MRPS27: variants seen among roughly 807,000 people sequenced by gnomAD.
The protein encoded by MRPS27 is small ribosomal subunit protein mS27.
MRPS27 carries 43 observed loss-of-function variants against 48.9 expected under a neutral mutation model. That is an observed-to-expected ratio of 0.88 (90% CI 0.69 to 1.13). MRPS27 has a LOEUF of 1.13. Ranked by LOEUF, MRPS27 falls within the 50% of genes most tolerant of loss-of-function variation. The pLI, the probability that MRPS27 is intolerant of heterozygous loss-of-function variation, is 0.00. For missense variants in MRPS27, 467 were observed against 476.3 expected (o/e 0.98, Z 0.18); for synonymous variants, 188 against 171.9 (o/e 1.09, Z -0.73).
At chr5:72,249,098 T>C (rs1176581473) in intron 4 of MRPS27, among the ~76,000 whole-genome samples, 2 of 152,348 alleles carry the variant, frequency 1.3e-5, no homozygotes, top group East Asian at 3.9e-4. Flanking sequence ...AGTGAACAGA[T>C]ACACTTTTTC....
intron 1 of MRPS27, among the ~76,000 whole-genome samples, chr5:72,316,371 T>C (rs1158928612): frequency 6.6e-6 from 1 of 152,176 alleles, no homozygotes; most frequent in Non-Finnish European, 1.5e-5. Context: ...CATTTGTTGT[T>C]TCTTTGTTTG....
In MRPS27 at chr5:72,316,819, C is replaced by T. The variant is rs1233841050; in HGVS notation, c.74-2661G>A. ...CCGAGGTGGGCGGATCACCTGAGGT[C>T]GGGAGTTCGAGGCGAGCCTGACCAA... On this transcript the variant is annotated intron_variant, in intron 1 of 10. Transcript: ENST00000261413. 2.0e-5 allele frequency among the ~76,000 whole-genome samples: 3 copies of T among 151,508 alleles called. No individual in the cohort carries two copies. In the East Asian group the frequency reaches 5.9e-4, roughly 30 times the overall value.
intron 1 of MRPS27, chr5:72,319,888 T>G: frequency 2.0e-6 from 1 of 496,964 alleles, no homozygotes; most frequent in East Asian, 3.7e-5. Context: ...CCCCAACACA[T>G]AAATCTGGCG....
rs776163779 is a variant in MRPS27 at position 72,297,635 on chromosome 5, T to C, written c.219A>G (p.Ser73=). 2.2e-5 allele frequency: 35 copies of C among 1,581,430 alleles called. No homozygotes were observed. The Admixed American group carries it at 6.0e-4, about 27-fold the overall frequency. Residue 73 remains serine, a synonymous_variant, in exon 3 of 11, where the codon TCA becomes TCG. Transcript: ENST00000261413. ...ATATATGTTAAAATTTTCTTACCCG[T>C]GATATTGTTAAAGAACTAACAGGCA... ...RKLPVSSLTI[S]RLIDNISSRE...
chr5:72,278,429 C>T (rs1343551719), intron 4 of MRPS27, among the ~76,000 whole-genome samples: 11 of 132,818 alleles, frequency 8.3e-5, no homozygotes, highest in Non-Finnish European at 9.3e-5. Context: ...GGTGACAGAG[C>T]GACTCTCCAT....
chr5:72,300,227 C>T (rs984425311), intron 2 of MRPS27, among the ~76,000 whole-genome samples: 5 of 152,204 alleles, frequency 3.3e-5, no homozygotes, highest in Admixed American at 3.3e-4. Flanking sequence ...CTATCCTTCA[C>T]AAAATATTCT....
chr5:72,303,882 C>CAAAAAAAAAAAAAAA (rs397818748), intron 2 of MRPS27, among the ~76,000 whole-genome samples: 1 of 69,162 alleles, frequency 1.4e-5, no homozygotes, highest in Non-Finnish European at 2.6e-5. Flanking sequence ...GACCTCATCT[C>CAAAAAAAAAAAAAAA]AAAAAAAAAA....
chr5:72,224,508 G>A (rs1561327891), intron 9 of MRPS27, among the ~76,000 whole-genome samples: 1 of 152,182 alleles, frequency 6.6e-6, no homozygotes, highest in African/African-American at 2.4e-5. Flanking sequence ...CCACTTCCAT[G>A]TCTTTCTTCC....
chr5:72,269,995 C>A (rs1749194648), intron 4 of MRPS27, among the ~76,000 whole-genome samples: 1 of 151,980 alleles, frequency 6.6e-6, no homozygotes, highest in Non-Finnish European at 1.5e-5. Context: ...GAGTTTGAGA[C>A]CAGCCTGGCC....
At chr5:72,273,043 T>C (rs1209842986) in intron 4 of MRPS27, among the ~76,000 whole-genome samples, 1 of 152,234 alleles carries the variant, frequency 6.6e-6, no homozygotes, top group Non-Finnish European at 1.5e-5. Flanking sequence ...ATTTACATAT[T>C]AGATTTCTAG....
chr5:72,248,848 G>A (rs1032481706), intron 4 of MRPS27, among the ~76,000 whole-genome samples: 1 of 152,118 alleles, frequency 6.6e-6, no homozygotes, highest in Non-Finnish European at 1.5e-5. Flanking sequence ...AAAGGGCTCG[G>A]CCCATTGATC....
chr5:72,258,340 G>A (rs2111995145), intron 4 of MRPS27, among the ~76,000 whole-genome samples: 1 of 152,230 alleles, frequency 6.6e-6, no homozygotes, highest in Middle Eastern at 3.4e-3. Flanking sequence ...GGCTTATCAA[G>A]CAAAGAGAGA....
chr5:72,244,126 C>T (rs1381573802), intron 4 of MRPS27, among the ~76,000 whole-genome samples: 1 of 151,918 alleles, frequency 6.6e-6, no homozygotes, highest in East Asian at 1.9e-4. Context: ...TAAAACTCAG[C>T]TTGTGAGTAG....
intron 2 of MRPS27, among the ~76,000 whole-genome samples, chr5:72,300,955 G>C (rs575748428): frequency 6.6e-6 from 1 of 152,170 alleles, no homozygotes; most frequent in Non-Finnish European, 1.5e-5. Context: ...TTCCATAAAA[G>C]GCACCTAGTA....
intron 7 of MRPS27, among the ~76,000 whole-genome samples, chr5:72,230,483 A>C (rs1748030601): frequency 6.6e-6 from 1 of 152,126 alleles, no homozygotes; most frequent in Non-Finnish European, 1.5e-5. Context: ...AATGCATTTA[A>C]TTGACTTTTT....
chr5:72,226,494 G>A (rs772305756), intron 8 of MRPS27, among the ~76,000 whole-genome samples: 1 of 152,142 alleles, frequency 6.6e-6, no homozygotes, highest in Non-Finnish European at 1.5e-5. Context: ...GGGCAATTGA[G>A]AGGCTGACAT....
intron 4 of MRPS27, among the ~76,000 whole-genome samples, chr5:72,277,942 G>C (rs1265990684): frequency 1.3e-5 from 2 of 152,168 alleles, no homozygotes; most frequent in Non-Finnish European, 2.9e-5. Flanking sequence ...TGAGATGAGG[G>C]GGTGGAGGAG....
intron 2 of MRPS27, among the ~76,000 whole-genome samples, chr5:72,300,555 T>C (rs1424546881): frequency 6.6e-6 from 1 of 152,242 alleles, no homozygotes; most frequent in African/African-American, 2.4e-5. Flanking sequence ...ACTTTCAATA[T>C]GCTTTTCCTA....
chr5:72,259,297 T>G (rs897076110), intron 4 of MRPS27, among the ~76,000 whole-genome samples: 4 of 151,966 alleles, frequency 2.6e-5, no homozygotes, highest in Non-Finnish European at 5.9e-5. Context: ...GGTGAAACCC[T>G]GTCTCTACTA....
Sources: gnomAD v4.1 joint callset for allele counts (sites outside exome capture counted in the v4.1 genomes callset) on GRCh38, gnomAD v4.1.1 for gene constraint, MANE v1.5 for transcripts, NCBI Gene and HGNC (gene_info 2026-07-23, HGNC 2026-07-21) for gene names.